Variants in SYT1 observed in about 807,000 individuals in gnomAD.
SYT1 encodes synaptotagmin-1.
Under a neutral mutation model 44.8 loss-of-function variants are expected in SYT1, and 8 were observed. The ratio of observed to expected loss-of-function variants is 0.18; its 90% confidence interval spans 0.10 to 0.32. SYT1 has a LOEUF of 0.32. Ranked by LOEUF, SYT1 falls within the 10% of genes least tolerant of loss-of-function variation. The pLI is 1.00. For synonymous variants in SYT1, 154 were observed against 188.8 expected, an observed-to-expected ratio of 0.82 and a Z score of 1.51; for missense variants, 286 against 509.3, an observed-to-expected ratio of 0.56 and a Z score of 4.22.
At chr12:79,270,455 T>C (rs1051008283) in intron 4 of SYT1, among the ~76,000 whole-genome samples, 3 of 152,218 alleles carry the variant, frequency 2.0e-5, no homozygotes, top group African/African-American at 7.2e-5. Context: ...TTACCTGTAT[T>C]GTCTTGAGGC....
intron 8 of SYT1, among the ~76,000 whole-genome samples, chr12:79,338,262 C>CTTTTTTCTTTTTCCTTTTT (rs1882179289): frequency 6.7e-6 from 1 of 150,356 alleles, no homozygotes; most frequent in South Asian, 2.1e-4. Context: ...ATTTTTTTTT[C>CTTTTTTCTTTTTCCTTTTT]TTTTTTCTTT....
At chr12:79,183,451 G>T (rs1212705242) in intron 3 of SYT1, among the ~76,000 whole-genome samples, 3 of 151,988 alleles carry the variant, frequency 2.0e-5, no homozygotes, top group African/African-American at 7.2e-5. Context: ...GGAAAAGGGT[G>T]CTACTGGCAT....
intron 1 of SYT1, among the ~76,000 whole-genome samples, chr12:78,877,480 A>G (rs149421331): frequency 6.6e-6 from 1 of 151,828 alleles, no homozygotes; most frequent in African/African-American, 2.4e-5. Context: ...CAGTAACTCT[A>G]TATTTTCTAA....
intron 2 of SYT1, among the ~76,000 whole-genome samples, chr12:79,044,988 G>C (rs567846398): frequency 4.6e-5 from 7 of 152,268 alleles, no homozygotes; most frequent in East Asian, 3.9e-4. Flanking sequence ...TCTCAGATCT[G>C]CAGCTGCGTG....
intron 3 of SYT1, among the ~76,000 whole-genome samples, chr12:79,176,476 T>C (rs1352011241): frequency 6.6e-6 from 1 of 152,038 alleles, no homozygotes; most frequent in Non-Finnish European, 1.5e-5. Flanking sequence ...TGGTGTTTTA[T>C]CTTCACTCAT....
At chr12:78,985,555 G>A (rs1453127448) in intron 2 of SYT1, among the ~76,000 whole-genome samples, 1 of 151,612 alleles carries the variant, frequency 6.6e-6, no homozygotes, top group African/African-American at 2.4e-5. Context: ...TTGTCACCCT[G>A]ATCACCATTG....
intron 1 of SYT1, chr12:78,963,904 AT>A (rs1879641444): frequency 6.6e-6 from 1 of 152,226 alleles, no homozygotes; most frequent in African/African-American, 2.4e-5. Context: ...CAATAGCAAG[AT>A]GTGGAAATAA....
At chr12:79,274,230 C>T (rs142556551) in intron 4 of SYT1, among the ~76,000 whole-genome samples, 2 of 152,304 alleles carry the variant, frequency 1.3e-5, no homozygotes, top group Non-Finnish European at 2.9e-5. Context: ...CTCTGCTTTG[C>T]GGGTCAATCC....
intron 8 of SYT1, among the ~76,000 whole-genome samples, chr12:79,308,524 A>AAGGAAG (rs1565901118): frequency 2.8e-5 from 4 of 144,420 alleles, no homozygotes; most frequent in African/African-American, 1.0e-4. Flanking sequence ...AAAGAAAGAA[A>AAGGAAG]GAAGAAATAA....
At chr12:79,274,230 C>G (rs142556551) in intron 4 of SYT1, among the ~76,000 whole-genome samples, 1 of 152,184 alleles carries the variant, frequency 6.6e-6, no homozygotes, top group African/African-American at 2.4e-5. Context: ...CTCTGCTTTG[C>G]GGGTCAATCC....
At chr12:78,974,680 C>T (rs1326145702) in intron 1 of SYT1, among the ~76,000 whole-genome samples, 1 of 152,152 alleles carries the variant, frequency 6.6e-6, no homozygotes, top group African/African-American at 2.4e-5. Context: ...TCGTGATCCG[C>T]CCGCCTCAGC....
At chr12:78,902,666 A>G (rs1276186419) in intron 1 of SYT1, among the ~76,000 whole-genome samples, 1 of 152,200 alleles carries the variant, frequency 6.6e-6, no homozygotes, top group African/African-American at 2.4e-5. Context: ...TTAACAACCA[A>G]ATAAATAAAT....
intron 1 of SYT1, among the ~76,000 whole-genome samples, chr12:78,880,435 A>G (rs976710102): frequency 2.6e-5 from 4 of 151,590 alleles, no homozygotes; most frequent in African/African-American, 9.7e-5. Flanking sequence ...CTTTGAATAC[A>G]GTTTTTAAAT....
intron 9 of SYT1, among the ~76,000 whole-genome samples, chr12:79,357,084 C>T (rs1883141695): frequency 6.6e-6 from 1 of 152,160 alleles, no homozygotes; most frequent in Admixed American, 6.6e-5. Context: ...GAAAATAAAA[C>T]ATGAAAACAT....
At chr12:78,976,958 AC>A (rs1868882962) in intron 1 of SYT1, among the ~76,000 whole-genome samples, 1 of 152,150 alleles carries the variant, frequency 6.6e-6, no homozygotes, top group Admixed American at 6.5e-5. Flanking sequence ...TAAAATTATT[AC>A]TTTCAACCAT....
intron 4 of SYT1, among the ~76,000 whole-genome samples, chr12:79,266,426 G>C (rs776277779): frequency 1.3e-5 from 2 of 152,050 alleles, no homozygotes; most frequent in Non-Finnish European, 2.9e-5. Context: ...AAAATAAAGG[G>C]GATTCTACAT....
At chr12:79,227,776 G>T (rs910544130) in intron 4 of SYT1, among the ~76,000 whole-genome samples, 5 of 152,118 alleles carry the variant, frequency 3.3e-5, no homozygotes, top group Admixed American at 3.3e-4. Flanking sequence ...GTCAATGCAT[G>T]TGAAGTCGTT....
chr12:78,957,600 G>A (rs1879277986), intron 1 of SYT1, among the ~76,000 whole-genome samples: 1 of 152,124 alleles, frequency 6.6e-6, no homozygotes, highest in Non-Finnish European at 1.5e-5. Context: ...TAGAGCCAAG[G>A]TTGGATCCTG....
intron 3 of SYT1, among the ~76,000 whole-genome samples, chr12:79,208,606 C>T (rs183805484): frequency 2.6e-3 from 398 of 152,028 alleles, no homozygotes; most frequent in Non-Finnish European, 4.3e-3. Context: ...TAGGAAGCTG[C>T]GGAGAATTTC....
Sources: allele counts gnomAD v4.1 joint callset (sites outside exome capture counted in the v4.1 genomes callset), GRCh38; gene constraint gnomAD v4.1.1; transcripts MANE v1.5; gene names NCBI Gene and HGNC (gene_info 2026-07-23, HGNC 2026-07-21).